The following ATP9B variants were observed in gnomAD, a reference collection of about 807,000 sequenced individuals.
The protein encoded by ATP9B is probable phospholipid-transporting ATPase IIB.
Under a neutral mutation model 146.1 loss-of-function variants are expected in ATP9B, and 110 were observed. That is an observed-to-expected ratio of 0.75 (90% CI 0.65 to 0.88). ATP9B has a LOEUF of 0.88. ATP9B is among the 40% of genes least tolerant of loss of function. ATP9B has a pLI of 0.00. For missense variants in ATP9B, 1,499 were observed against 1,496.4 expected, an observed-to-expected ratio of 1.00 and a Z score of -0.03; for synonymous variants, 604 against 569.7, an observed-to-expected ratio of 1.06 and a Z score of -0.86.
At chr18:79,195,563 ATGGTACTT>A (rs2095410449) in intron 9 of ATP9B, among the ~76,000 whole-genome samples, 1 of 152,264 alleles carries the variant, frequency 6.6e-6, no homozygotes, top group South Asian at 2.1e-4. Context: ...TAACCAAACA[ATGGTACTT>A]AGGAAAGAAC....
chr18:79,234,155 G>C (rs2095817698), intron 11 of ATP9B, among the ~76,000 whole-genome samples: 1 of 152,176 alleles, frequency 6.6e-6, no homozygotes, highest in South Asian at 2.1e-4. Context: ...GGAGCGAGTA[G>C]GGAAGGTTCT....
chr18:79,092,249 C>A (rs1411958558), intron 1 of ATP9B, among the ~76,000 whole-genome samples: 1 of 152,060 alleles, frequency 6.6e-6, no homozygotes, highest in Non-Finnish European at 1.5e-5. Context: ...TCAAACAGAC[C>A]AAGATGATAG....
At chr18:79,103,145 G>A (rs1336666472) in intron 2 of ATP9B, among the ~76,000 whole-genome samples, 1 of 152,168 alleles carries the variant, frequency 6.6e-6, no homozygotes, top group Non-Finnish European at 1.5e-5. Flanking sequence ...GTGCAGTAGC[G>A]AGAAGGGTCA....
intron 1 of ATP9B, among the ~76,000 whole-genome samples, chr18:79,071,374 A>ATTTCCCCTT (rs2071756141): frequency 1.5e-5 from 1 of 67,196 alleles, no homozygotes; most frequent in Non-Finnish European, 3.5e-5. Context: ...ACATACGCAT[A>ATTTCCCCTT]TTTCCCCTTT....
chr18:79,375,806 C>G (rs999381703), intron 29 of ATP9B: 2 of 985,328 alleles, frequency 2.0e-6, no homozygotes, highest in African/African-American at 3.5e-5. Flanking sequence ...AGAGATCCAG[C>G]GCTTCCCTGT....
chr18:79,298,619 G>A (rs769603440), intron 13 of ATP9B, among the ~76,000 whole-genome samples: 1 of 147,056 alleles, frequency 6.8e-6, no homozygotes, highest in Non-Finnish European at 1.5e-5. Context: ...CAAAGGAGCA[G>A]GATAGCTGAA....
intron 8 of ATP9B, among the ~76,000 whole-genome samples, chr18:79,187,247 G>T (rs778435513): frequency 6.6e-6 from 1 of 152,116 alleles, no homozygotes; most frequent in Non-Finnish European, 1.5e-5. Flanking sequence ...TGTGACTGAC[G>T]CACCTTAAAT....
At position 79,113,322 on chromosome 18, in the gene ATP9B, A is replaced by G. The variant is rs370381422; in HGVS notation, c.526A>G (p.Ile176Val). The G allele has an allele frequency of 1.3e-6, 2 of 1,595,306 alleles. No individual in the cohort carries two copies. Among genetic ancestry groups the G allele is most frequent in the African/African-American group, 2.7e-5 (2 of 74,536 alleles). The change falls in exon 4 of 30, where the codon ATA becomes GTA. Residue 176 changes from isoleucine to valine, a missense_variant. Coordinates refer to ENST00000426216, the MANE Select transcript of ATP9B (RefSeq NM_198531.5). ...SCSQFVPALK[I>V]GYLYTYWAPL... ...CTCACAGTTTGTACCAGCATTGAAAATAGGCTATCTCTACACCTACTGGGC... is the reference window on the plus strand; with the variant it reads ...CTCACAGTTTGTACCAGCATTGAAAGTAGGCTATCTCTACACCTACTGGGC...
intron 8 of ATP9B, among the ~76,000 whole-genome samples, chr18:79,180,214 A>C (rs946581984): frequency 6.6e-6 from 1 of 152,010 alleles, no homozygotes; most frequent in Non-Finnish European, 1.5e-5. Context: ...GAATTGCTGC[A>C]TTTTTATTGT....
Position 79,337,266 on chromosome 18 carries a change from C to G in ATP9B, c.2113-13C>G, listed in dbSNP as rs997141165. On this transcript the variant is annotated splice_polypyrimidine_tract_variant and intron_variant, in intron 18 of 29. Coordinates refer to ENST00000426216, the MANE Select transcript of ATP9B (RefSeq NM_198531.5). The stretch of plus-strand genomic sequence containing the variant: ...ACACGTGTGCACACAGGCGCCTCCC[C>G]CTCTGTCCCCAGAGCCGATACACTC... The G allele has an allele frequency of 1.9e-6, 3 of 1,613,428 alleles. No individual in the cohort carries two copies. The highest frequency in any genetic ancestry group is 3.3e-5 in the Admixed American group (2 of 59,966).
intron 11 of ATP9B, among the ~76,000 whole-genome samples, chr18:79,234,950 G>A (rs1468926330): frequency 5.3e-5 from 8 of 152,232 alleles, no homozygotes; most frequent in South Asian, 2.1e-4. Flanking sequence ...TAGGCTCACC[G>A]CAACCTCCGC....
intron 4 of ATP9B, among the ~76,000 whole-genome samples, chr18:79,119,109 TG>T (rs1568215474): frequency 8.7e-6 from 1 of 115,370 alleles, no homozygotes; most frequent in African/African-American, 4.5e-5. Context: ...GGGTTAAAAC[TG>T]TTTTAACTTA....
intron 1 of ATP9B, among the ~76,000 whole-genome samples, chr18:79,089,646 A>G (rs2074149466): frequency 6.6e-6 from 1 of 152,232 alleles, no homozygotes; most frequent in African/African-American, 2.4e-5. Context: ...TTATAGATAC[A>G]TAATGTTTAT....
chr18:79,120,938 A>T (rs1481998054), intron 4 of ATP9B, among the ~76,000 whole-genome samples: 1 of 152,226 alleles, frequency 6.6e-6, no homozygotes, highest in Non-Finnish European at 1.5e-5. Context: ...TAAGAAAAGG[A>T]AAAACGAATG....
chr18:79,363,001 G>A (rs1464036808), intron 26 of ATP9B: 1 of 152,038 alleles, frequency 6.6e-6, no homozygotes, highest in African/African-American at 2.4e-5. Flanking sequence ...TAGTGAATAA[G>A]ACAATAAAAG....
chr18:79,372,174 GC>G (rs2097075290), intron 26 of ATP9B, among the ~76,000 whole-genome samples: 1 of 147,892 alleles, frequency 6.8e-6, no homozygotes, highest in Admixed American at 6.7e-5. Context: ...GTGGGCCAGA[GC>G]TCCCCTGCCT....
At chr18:79,155,560 A>G (rs2094761839) in intron 7 of ATP9B, among the ~76,000 whole-genome samples, 3 of 152,178 alleles carry the variant, frequency 2.0e-5, no homozygotes, top group Admixed American at 2.0e-4. Flanking sequence ...TTATTTATAA[A>G]TGAACAGTAG....
chr18:79,176,156 A>G (rs965710075), intron 7 of ATP9B, among the ~76,000 whole-genome samples: 2 of 152,122 alleles, frequency 1.3e-5, no homozygotes. Flanking sequence ...TTGTTTCACA[A>G]CAGTCTTCTG....
chr18:79,358,915 C>A (rs1326850706), intron 25 of ATP9B, among the ~76,000 whole-genome samples: 2 of 146,780 alleles, frequency 1.4e-5, no homozygotes, highest in Non-Finnish European at 3.0e-5. Flanking sequence ...TGCTGTGGGT[C>A]TGGAGGTGTC....
Sources: gnomAD v4.1 joint callset for allele counts (sites outside exome capture counted in the v4.1 genomes callset) on GRCh38, gnomAD v4.1.1 for gene constraint, MANE v1.5 for transcripts, NCBI Gene and HGNC (gene_info 2026-07-23, HGNC 2026-07-21) for gene names.